Variants in INSL6 observed in about 807,000 individuals in gnomAD.
The protein encoded by INSL6 is insulin like 6.
A neutral mutation model predicts 9.4 loss-of-function variants in INSL6; 16 were observed. The ratio of observed to expected loss-of-function variants is 1.70; its 90% confidence interval spans 1.15 to 2.59. The LOEUF is 2.59. Ranked by LOEUF, INSL6 falls within the 30% of genes most tolerant of loss-of-function variation. The pLI, the probability that INSL6 is intolerant of heterozygous loss-of-function variation, is 0.00. For missense variants in INSL6, 391 were observed against 257.3 expected (o/e 1.52, Z -3.56); for synonymous variants, 154 against 96.9 (o/e 1.59, Z -3.46).
At chr9:5,058,273 G>A in the INSL6 span, among the ~76,000 whole-genome samples, 1 of 152,126 alleles carries the variant, frequency 6.6e-6, no homozygotes, top group African/African-American at 2.4e-5. Flanking sequence ...TTAAAAAGAG[G>A]GTTTAATTGA....
chr9:5,110,958 G>C, the INSL6 span: 1 of 598,398 alleles, frequency 1.7e-6, no homozygotes, highest in South Asian at 1.5e-5. Flanking sequence ...CGGACAAGGA[G>C]CTCAGTAACC....
chr9:5,091,055 T>TTTAGGTC, the INSL6 span: 2 of 610,682 alleles, frequency 3.3e-6, no homozygotes, highest in African/African-American at 3.8e-5. Flanking sequence ...CTTTTTTTTT[T>TTTAGGTC]TAGGTCTTAT....
At chr9:5,179,292 T>A (rs1178426264) in intron 1 of INSL6, among the ~76,000 whole-genome samples, 1 of 151,970 alleles carries the variant, frequency 6.6e-6, no homozygotes, top group Non-Finnish European at 1.5e-5. Context: ...GAAATGCAAA[T>A]CAAGATTACA....
the INSL6 span, among the ~76,000 whole-genome samples, chr9:5,113,057 C>A: frequency 6.6e-6 from 1 of 152,076 alleles, no homozygotes; most frequent in South Asian, 2.1e-4. Flanking sequence ...GGTCCAGGAG[C>A]TCCCTGGGAC....
the INSL6 span, among the ~76,000 whole-genome samples, chr9:5,074,609 C>T: frequency 6.6e-6 from 1 of 152,174 alleles, no homozygotes; most frequent in African/African-American, 2.4e-5. Context: ...CATCAATGAG[C>T]CATTCCTCTG....
chr9:5,049,860 T>C, the INSL6 span, among the ~76,000 whole-genome samples: 98 of 152,360 alleles, frequency 6.4e-4, no homozygotes, highest in Non-Finnish European at 1.2e-3. Context: ...AGCATGTTGC[T>C]GTACTGAATA....
chr9:5,105,785 C>G, the INSL6 span, among the ~76,000 whole-genome samples: 1 of 152,166 alleles, frequency 6.6e-6, no homozygotes, highest in African/African-American at 2.4e-5. Context: ...TGATCTTTGA[C>G]AAACCTGACA....
At chr9:5,087,291 G>C in the INSL6 span, among the ~76,000 whole-genome samples, 2 of 152,298 alleles carry the variant, frequency 1.3e-5, no homozygotes, top group African/African-American at 4.8e-5. Flanking sequence ...ATGAGTGCCA[G>C]CAGGAGAAAT....
the INSL6 span, chr9:5,044,380 C>T: frequency 6.8e-7 from 1 of 1,472,112 alleles, no homozygotes. Context: ...GGAAGCTGAC[C>T]AAATGTTTTT....
the INSL6 span, among the ~76,000 whole-genome samples, chr9:5,064,129 C>A: frequency 6.6e-6 from 1 of 152,122 alleles, no homozygotes; most frequent in East Asian, 1.9e-4. Context: ...GCACTCCAGC[C>A]TGGGCGACAG....
chr9:5,169,082 A>G, intron 1 of INSL6, among the ~76,000 whole-genome samples: 1 of 152,086 alleles, frequency 6.6e-6, no homozygotes, highest in East Asian at 1.9e-4. Context: ...ATGCGCCACC[A>G]TGCCCGGCTA....
At chr9:4,992,500 A>G in the INSL6 span, among the ~76,000 whole-genome samples, 2 of 152,232 alleles carry the variant, frequency 1.3e-5, no homozygotes, top group Middle Eastern at 3.4e-3. Context: ...TATTAATACT[A>G]TTGCCATAGT....
chr9:5,158,639 T>C (rs955114367), intron 2 of INSL6, among the ~76,000 whole-genome samples: 1 of 151,604 alleles, frequency 6.6e-6, no homozygotes, highest in Non-Finnish European at 1.5e-5. Flanking sequence ...CCAGCAAAAA[T>C]ATTCTAGAAA....
chr9:4,993,451 C>G, the INSL6 span, among the ~76,000 whole-genome samples: 2 of 152,208 alleles, frequency 1.3e-5, no homozygotes, highest in Non-Finnish European at 2.9e-5. Context: ...TCTGTTCTCT[C>G]AATTATAAGG....
At chr9:5,149,576 TGAAA>T (rs1824672578) in intron 2 of INSL6, among the ~76,000 whole-genome samples, 1 of 152,186 alleles carries the variant, frequency 6.6e-6, no homozygotes, top group Non-Finnish European at 1.5e-5. Flanking sequence ...AATGCAGTGA[TGAAA>T]GAAATTATAG....
the INSL6 span, among the ~76,000 whole-genome samples, chr9:5,070,466 A>T: frequency 6.6e-6 from 1 of 152,132 alleles, no homozygotes; most frequent in Non-Finnish European, 1.5e-5. Context: ...TGGATACCAA[A>T]ATCTGAGGAT....
At chr9:5,007,539 A>C in the INSL6 span, among the ~76,000 whole-genome samples, 1 of 152,048 alleles carries the variant, frequency 6.6e-6, no homozygotes, top group African/African-American at 2.4e-5. Flanking sequence ...AGGTATTAAG[A>C]ATAGCATAAA....
the INSL6 span, among the ~76,000 whole-genome samples, chr9:5,051,309 G>A: frequency 6.6e-6 from 1 of 152,128 alleles, no homozygotes; most frequent in Non-Finnish European, 1.5e-5. Flanking sequence ...GAAGTTCAGA[G>A]GAACAGAAGA....
At chr9:5,085,258 T>C in the INSL6 span, 1 of 682,030 alleles carries the variant, frequency 1.5e-6, no homozygotes, top group Non-Finnish European at 2.8e-6. Context: ...TAACCTGAGA[T>C]TCACATCAGC....
Sources: gnomAD v4.1 joint callset for allele counts (sites outside exome capture counted in the v4.1 genomes callset) on GRCh38, gnomAD v4.1.1 for gene constraint, MANE v1.5 for transcripts, NCBI Gene and HGNC (gene_info 2026-07-23, HGNC 2026-07-21) for gene names.